Variants in NR3C1 observed in about 807,000 individuals in gnomAD.
NR3C1 encodes the protein nuclear receptor subfamily 3 group C member 1.
NR3C1 carries 14 observed loss-of-function variants against 74.0 expected under a neutral mutation model. The observed-to-expected ratio is 0.19, with a 90% CI of 0.12 to 0.30. NR3C1 has a LOEUF of 0.30. Among genes scored for constraint, NR3C1 ranks in the 10% least tolerant of loss-of-function variants. The pLI is 1.00. For synonymous variants in NR3C1, 308 were observed against 332.5 expected (o/e 0.93, Z 0.80); for missense variants, 695 against 909.8 (o/e 0.76, Z 3.04).
intron 2 of NR3C1, among the ~76,000 whole-genome samples, chr5:143,314,942 A>C (rs1380574364): frequency 3.3e-5 from 5 of 152,348 alleles, no homozygotes; most frequent in East Asian, 1.9e-4. Context: ...TTGAAGAAGA[A>C]GACAGAAATG....
chr5:143,390,171 T>A (rs1301436851), intron 2 of NR3C1, among the ~76,000 whole-genome samples: 1 of 152,206 alleles, frequency 6.6e-6, no homozygotes, highest in Non-Finnish European at 1.5e-5. Flanking sequence ...CATGACTAAA[T>A]TTAGCAAATA....
chr5:143,305,784 G>C (rs149035634), intron 4 of NR3C1, among the ~76,000 whole-genome samples: 2 of 152,154 alleles, frequency 1.3e-5, no homozygotes, highest in Admixed American at 1.3e-4. Flanking sequence ...GTTAGGTACT[G>C]TGCTTACTTC....
intron 2 of NR3C1, among the ~76,000 whole-genome samples, chr5:143,342,707 G>C (rs184761803): frequency 6.6e-6 from 1 of 152,170 alleles, no homozygotes; most frequent in African/African-American, 2.4e-5. Flanking sequence ...CAGGAAATGT[G>C]CTTTGTAATT....
chr5:143,390,161 CA>C (rs925274157), intron 2 of NR3C1, among the ~76,000 whole-genome samples: 1 of 152,096 alleles, frequency 6.6e-6, no homozygotes, highest in Non-Finnish European at 1.5e-5. Flanking sequence ...GAACAGTAAA[CA>C]TGACTAAATT....
At chr5:143,359,487 C>G (rs530949739) in intron 2 of NR3C1, among the ~76,000 whole-genome samples, 6 of 152,174 alleles carry the variant, frequency 3.9e-5, no homozygotes, top group Non-Finnish European at 7.3e-5. Flanking sequence ...AGTACTCAGT[C>G]CTTCTGCCAC....
chr5:143,350,868 T>C (rs535550153), intron 2 of NR3C1, among the ~76,000 whole-genome samples: 2 of 152,266 alleles, frequency 1.3e-5, no homozygotes, highest in South Asian at 4.1e-4. Flanking sequence ...AGGATCCTGG[T>C]GTCTAGCACA....
chr5:143,304,308 T>C (rs1819113687), intron 4 of NR3C1, among the ~76,000 whole-genome samples: 1 of 152,080 alleles, frequency 6.6e-6, no homozygotes, highest in Admixed American at 6.6e-5. Context: ...GCAATCCCAT[T>C]TGTAACAGTC....
chr5:143,319,751 C>T (rs1269252471), intron 2 of NR3C1, among the ~76,000 whole-genome samples: 2 of 151,564 alleles, frequency 1.3e-5, no homozygotes, highest in Admixed American at 6.6e-5. Flanking sequence ...GTCAATAATG[C>T]TGAGGATGAG....
At chr5:143,390,689 C>A (rs1838073322) in intron 2 of NR3C1, among the ~76,000 whole-genome samples, 1 of 152,196 alleles carries the variant, frequency 6.6e-6, no homozygotes, top group Non-Finnish European at 1.5e-5. Context: ...GAATAGTCAC[C>A]CTGGGAAGCT....
At chr5:143,282,420 G>C (rs575017724) in intron 8 of NR3C1, 148 bp downstream of exon 8, 1 of 756,714 alleles carries the variant, frequency 1.3e-6, no homozygotes, top group East Asian at 3.1e-5. Context: ...CTACAAAACT[G>C]AAGTTCATAA....
chr5:143,357,045 C>T (rs951885419), intron 2 of NR3C1, among the ~76,000 whole-genome samples: 1 of 152,120 alleles, frequency 6.6e-6, no homozygotes, highest in Non-Finnish European at 1.5e-5. Context: ...AACAGAATTT[C>T]GAAATAATGC....
chr5:143,339,582 G>A (rs1227639406), intron 2 of NR3C1, among the ~76,000 whole-genome samples: 1 of 151,910 alleles, frequency 6.6e-6, no homozygotes, highest in Non-Finnish European at 1.5e-5. Flanking sequence ...TCTTATTTCT[G>A]AGGATATAAG....
At chr5:143,284,433 TA>T (rs1813822487) in intron 7 of NR3C1, among the ~76,000 whole-genome samples, 1 of 148,272 alleles carries the variant, frequency 6.7e-6, no homozygotes, top group Non-Finnish European at 1.5e-5. Flanking sequence ...TCAGGAGTGA[TA>T]ACGGCATTCT....
intron 1 of NR3C1, among the ~76,000 whole-genome samples, chr5:143,425,431 T>C (rs1162581314): frequency 6.6e-6 from 1 of 152,132 alleles, no homozygotes; most frequent in Admixed American, 6.5e-5. Context: ...CACAGAATGG[T>C]TGAAATTGTA....
intron 1 of NR3C1, among the ~76,000 whole-genome samples, chr5:143,431,805 T>A (rs949603058): frequency 6.6e-6 from 1 of 152,114 alleles, no homozygotes; most frequent in Admixed American, 6.5e-5. Context: ...GTGCAGTGGG[T>A]TGATTTGGAA....
At chr5:143,348,587 T>C (rs142015336) in intron 2 of NR3C1, among the ~76,000 whole-genome samples, 1 of 152,340 alleles carries the variant, frequency 6.6e-6, no homozygotes, top group African/African-American at 2.4e-5. Context: ...GGCACATTTT[T>C]TGAGTTTTGT....
At position 143,281,160 on chromosome 5, in the gene NR3C1, G is replaced by C. The variant is rs972468232; in HGVS notation, c.*729C>G. 1 of 134,280 alleles carries C rather than the reference G, an allele frequency of 7.4e-6. No individual in the cohort carries two copies. The highest frequency in any genetic ancestry group is 2.5e-4 in the South Asian group (1 of 4,076). 8.3% of individuals were successfully genotyped at this position (134,280 alleles called of 1,614,324 possible). On this transcript the variant is annotated 3_prime_UTR_variant, in exon 9 of 9. Coordinates refer to ENST00000394464, the MANE Select transcript of NR3C1 (RefSeq NM_000176.3). ...TTTGACAAGAATACTGGAGATTTGAGTCAATTTTTGTGGTCTTCTGATAGC... is the reference window on the plus strand; with the variant it reads ...TTTGACAAGAATACTGGAGATTTGACTCAATTTTTGTGGTCTTCTGATAGC...
At position 143,305,659 on chromosome 5, in the gene NR3C1, C is replaced by T. The variant is rs140027322; in HGVS notation, c.1468+4438G>A. 1.6e-3 allele frequency among the ~76,000 whole-genome samples: 251 copies of T among 152,194 alleles called. 1 individual carries two copies. The highest frequency in any genetic ancestry group is 0.014 in the Middle Eastern group (4 of 294). On this transcript the variant is annotated intron_variant, in intron 4 of 8. Transcript: ENST00000394464. Reference sequence around the variant, plus strand: ...AATGCAGAAAAACAAATACCATGTTCTCATTTATAAATGGGAGCTAAACAT... The same window carrying T: ...AATGCAGAAAAACAAATACCATGTTTTCATTTATAAATGGGAGCTAAACAT...
intron 2 of NR3C1, among the ~76,000 whole-genome samples, chr5:143,322,601 T>A (rs560251854): frequency 6.6e-6 from 1 of 152,322 alleles, no homozygotes; most frequent in East Asian, 1.9e-4. Flanking sequence ...TTCCTCAAAC[T>A]AACAGATATC....
Sources: allele counts gnomAD v4.1 joint callset (sites outside exome capture counted in the v4.1 genomes callset), GRCh38; gene constraint gnomAD v4.1.1; transcripts MANE v1.5; gene names NCBI Gene and HGNC (gene_info 2026-07-23, HGNC 2026-07-21).